ZNF215: variants seen among roughly 807,000 people sequenced by gnomAD.
ZNF215 encodes the protein zinc finger protein 215.
ZNF215 carries 24 observed loss-of-function variants against 27.2 expected under a neutral mutation model. That is an observed-to-expected ratio of 0.88 (90% CI 0.64 to 1.24). The LOEUF (loss-of-function observed/expected upper bound fraction) is 1.24. Ranked by LOEUF, ZNF215 falls within the 50% of genes most tolerant of loss-of-function variation. The probability of loss-of-function intolerance (pLI) is 0.00; values close to 1 mark genes in which losing one functional copy is unlikely to be tolerated. For synonymous variants in ZNF215, 210 were observed against 204.0 expected, an observed-to-expected ratio of 1.03 and a Z score of -0.25; for missense variants, 675 against 605.7, an observed-to-expected ratio of 1.11 and a Z score of -1.20.
At chr11:6,927,108 G>T (rs1294941244) in intron 1 of ZNF215, among the ~76,000 whole-genome samples, 2 of 150,988 alleles carry the variant, frequency 1.3e-5, no homozygotes, top group African/African-American at 4.9e-5. Context: ...AGCTGGTTTG[G>T]GAATGGCTGG....
At chr11:6,974,540 T>C (rs1850790445) in intron 5 of ZNF215, among the ~76,000 whole-genome samples, 1 of 152,216 alleles carries the variant, frequency 6.6e-6, no homozygotes, top group Non-Finnish European at 1.5e-5. Context: ...TGGAATGTTT[T>C]TCCATTTGTT....
At chr11:6,962,221 T>C (rs548097685), downstream of ZNF215, among the ~76,000 whole-genome samples, 1 of 152,164 alleles carries the variant, frequency 6.6e-6, no homozygotes, top group Non-Finnish European at 1.5e-5. Flanking sequence ...CACCAGAATC[T>C]AGGAGTCATG....
At chr11:6,984,006 C>G (rs192966144) in intron 5 of ZNF215, 1 of 289,648 alleles carries the variant, frequency 3.5e-6, no homozygotes, top group Admixed American at 5.1e-5. Context: ...CATGATAGTA[C>G]TCAGTATTGG....
At position 6,951,315 on chromosome 11, in the gene ZNF215, T is replaced by C. The variant is rs373306731; in HGVS notation, c.713-4375T>C. 7.2e-5 allele frequency among the ~76,000 whole-genome samples: 11 copies of C among 152,060 alleles called. 1 individual carries two copies. The South Asian group carries it at 1.3e-3, about 17-fold the overall frequency. On this transcript the variant is annotated intron_variant, in intron 6 of 6. Coordinates refer to ENST00000278319, the MANE Select transcript of ZNF215 (RefSeq NM_013250.4). ...ATAGTTTCAGAAGGAATGGTACCAGTTCCTCCTTGTACCTCTGGTAGAATT... is the reference window on the plus strand; with the variant it reads ...ATAGTTTCAGAAGGAATGGTACCAGCTCCTCCTTGTACCTCTGGTAGAATT...
intron 6 of ZNF215, among the ~76,000 whole-genome samples, chr11:6,951,338 A>G (rs1026300532): frequency 4.7e-4 from 71 of 152,238 alleles, no homozygotes; most frequent in African/African-American, 1.7e-3. Flanking sequence ...CTCTGGTAGA[A>G]TTCGGCTGTG....
intron 6 of ZNF215, among the ~76,000 whole-genome samples, chr11:6,948,380 G>A (rs1849902624): frequency 6.6e-6 from 1 of 152,186 alleles, no homozygotes; most frequent in African/African-American, 2.4e-5. Flanking sequence ...CACACCCAGT[G>A]TACACTGGTG....
chr11:6,986,637 A>C (rs1488672539), downstream of ZNF215, among the ~76,000 whole-genome samples: 2 of 152,122 alleles, frequency 1.3e-5, no homozygotes, highest in African/African-American at 4.8e-5. Flanking sequence ...TCTAATATCC[A>C]GAATCTACAA....
intron 5 of ZNF215, among the ~76,000 whole-genome samples, chr11:6,968,070 G>C (rs1247487131): frequency 6.6e-6 from 1 of 152,106 alleles, no homozygotes; most frequent in Non-Finnish European, 1.5e-5. Context: ...GTTTTTATCA[G>C]GTTTGTCAAA....
chr11:6,954,008 C>G (rs2133284447), intron 6 of ZNF215, among the ~76,000 whole-genome samples: 1 of 152,278 alleles, frequency 6.6e-6, no homozygotes. Flanking sequence ...CACTCCAGAC[C>G]CTGTTTGCCT....
intron 5 of ZNF215, among the ~76,000 whole-genome samples, chr11:6,971,498 G>C (rs1426997099): frequency 6.6e-6 from 1 of 152,100 alleles, no homozygotes; most frequent in East Asian, 1.9e-4. Flanking sequence ...TCACCAATCA[G>C]AATGCCAGGA....
intron 5 of ZNF215, among the ~76,000 whole-genome samples, chr11:6,979,371 CTG>C (rs1247568232): frequency 4.6e-5 from 7 of 151,800 alleles, no homozygotes; most frequent in Admixed American, 1.3e-4. Context: ...CAAGCTGAGT[CTG>C]TGAAAAACCA....
intron 5 of ZNF215, among the ~76,000 whole-genome samples, chr11:6,964,282 TTA>T (rs1176858641): frequency 6.6e-6 from 1 of 152,054 alleles, no homozygotes; most frequent in Non-Finnish European, 1.5e-5. Flanking sequence ...TCAAAAAAGT[TTA>T]TAGTGTTGAT....
At chr11:6,939,926 T>C (rs1849578126) in intron 3 of ZNF215, among the ~76,000 whole-genome samples, 2 of 152,062 alleles carry the variant, frequency 1.3e-5, no homozygotes, top group African/African-American at 4.8e-5. Context: ...TGTACAGACC[T>C]GAATAAAGTT....
downstream of ZNF215, among the ~76,000 whole-genome samples, chr11:6,989,634 C>G (rs915905804): frequency 6.6e-6 from 1 of 152,100 alleles, no homozygotes; most frequent in African/African-American, 2.4e-5. Flanking sequence ...TCCCATGTTC[C>G]CTAGCTCTGC....
chr11:6,991,873 C>T (rs1851120582), downstream of ZNF215, among the ~76,000 whole-genome samples: 1 of 152,176 alleles, frequency 6.6e-6, no homozygotes, highest in Non-Finnish European at 1.5e-5. Flanking sequence ...AACTAGTTAC[C>T]TGTCAATTTG....
chr11:6,979,388 T>C (rs1850902693), intron 5 of ZNF215, among the ~76,000 whole-genome samples: 1 of 152,116 alleles, frequency 6.6e-6, no homozygotes, highest in South Asian at 2.1e-4. Context: ...AAACCATAGA[T>C]TTATAATAAC....
At chr11:6,929,817 C>G (rs1403521795) in intron 2 of ZNF215, among the ~76,000 whole-genome samples, 2 of 150,974 alleles carry the variant, frequency 1.3e-5, no homozygotes, top group African/African-American at 4.9e-5. Context: ...GCAGGAAATT[C>G]CTATGCAGAG....
At chr11:6,985,632 AAAC>A (rs1460726423), downstream of ZNF215, among the ~76,000 whole-genome samples, 5 of 152,240 alleles carry the variant, frequency 3.3e-5, no homozygotes, top group Admixed American at 3.3e-4. Flanking sequence ...TATACTTAGA[AAAC>A]ACTAAAGACT....
intron 5 of ZNF215, among the ~76,000 whole-genome samples, chr11:6,974,611 C>T (rs1339395974): frequency 1.3e-5 from 2 of 152,036 alleles, no homozygotes; most frequent in African/African-American, 4.8e-5. Context: ...CCTTCACATC[C>T]CTTGTAAGTT....
Sources: allele counts gnomAD v4.1 joint callset (sites outside exome capture counted in the v4.1 genomes callset), GRCh38; gene constraint gnomAD v4.1.1; transcripts MANE v1.5; gene names NCBI Gene and HGNC (gene_info 2026-07-23, HGNC 2026-07-21).